Variants in CCDC170 observed in about 807,000 individuals in gnomAD.
The protein encoded by CCDC170 is coiled-coil domain containing 170, also known as coiled-coil domain-containing protein 170.
Under a neutral mutation model 72.6 loss-of-function variants are expected in CCDC170, and 69 were observed. The observed-to-expected ratio is 0.95, with a 90% CI of 0.78 to 1.16. The LOEUF (loss-of-function observed/expected upper bound fraction) is 1.16. CCDC170 is among the 50% of genes most tolerant of loss of function. CCDC170 has a pLI of 0.00. For missense variants in CCDC170, 852 were observed against 832.5 expected (o/e 1.02, Z -0.29); for synonymous variants, 300 against 303.9 (o/e 0.99, Z 0.13).
intron 9 of CCDC170, among the ~76,000 whole-genome samples, chr6:151,604,149 G>A (rs1776749846): frequency 6.6e-6 from 1 of 152,130 alleles, no homozygotes; most frequent in Admixed American, 6.5e-5. Flanking sequence ...CACCTGTGAA[G>A]TTCTCTCCCA....
intron 5 of CCDC170, among the ~76,000 whole-genome samples, chr6:151,568,000 C>T (rs1318158798): frequency 6.8e-6 from 1 of 148,086 alleles, no homozygotes; most frequent in Non-Finnish European, 1.5e-5. Context: ...ACCCCAGCTA[C>T]TCGGTAGGCT....
intron 1 of CCDC170, among the ~76,000 whole-genome samples, chr6:151,529,894 G>C (rs73783050): frequency 0.017 from 2,519 of 152,150 alleles, 73 homozygotes; most frequent in African/African-American, 0.058. Context: ...TGTCTGGTGA[G>C]GGTCATCCCA....
At chr6:151,528,219 A>G (rs1782440974) in intron 1 of CCDC170, among the ~76,000 whole-genome samples, 1 of 152,172 alleles carries the variant, frequency 6.6e-6, no homozygotes, top group African/African-American at 2.4e-5. Context: ...TCAGGTGAGG[A>G]CAAATGGATG....
At chr6:151,547,621 C>T (rs1233029459) in intron 4 of CCDC170, among the ~76,000 whole-genome samples, 1 of 152,100 alleles carries the variant, frequency 6.6e-6, no homozygotes, top group African/African-American at 2.4e-5. Flanking sequence ...AACACAAATG[C>T]TGGCCCTGTC....
chr6:151,511,058 G>A (rs1782140989), intron 1 of CCDC170, among the ~76,000 whole-genome samples: 1 of 152,018 alleles, frequency 6.6e-6, no homozygotes, highest in South Asian at 2.1e-4. Context: ...TTTTATAGAT[G>A]TTTTATAGTT....
At chr6:151,612,577 T>G in intron 9 of CCDC170, among the ~76,000 whole-genome samples, 1 of 152,206 alleles carries the variant, frequency 6.6e-6, no homozygotes, top group East Asian at 1.9e-4. Flanking sequence ...TGCAGCCTAG[T>G]TAGCATAGAC....
chr6:151,536,737 T>A (rs1018486986), intron 2 of CCDC170, among the ~76,000 whole-genome samples: 2 of 122,512 alleles, frequency 1.6e-5, no homozygotes, highest in Non-Finnish European at 3.1e-5. Flanking sequence ...ATCACAGTAC[T>A]GCACTCCAGC....
intron 1 of CCDC170, among the ~76,000 whole-genome samples, chr6:151,495,698 G>A (rs1266469511): frequency 6.6e-6 from 1 of 152,026 alleles, no homozygotes; most frequent in East Asian, 1.9e-4. Flanking sequence ...GTTTTATCGT[G>A]TTGCTCAGGC....
At chr6:151,599,632 A>G (rs1311378897) in intron 9 of CCDC170, among the ~76,000 whole-genome samples, 1 of 152,178 alleles carries the variant, frequency 6.6e-6, no homozygotes, top group Non-Finnish European at 1.5e-5. Flanking sequence ...TAAAATTGTC[A>G]GGAACGAGAC....
chr6:151,558,285 A>G (rs1020545795), intron 5 of CCDC170, among the ~76,000 whole-genome samples: 1 of 75,206 alleles, frequency 1.3e-5, no homozygotes, highest in African/African-American at 5.5e-5. Context: ...TCCTGTATGT[A>G]TTCTGGATAT....
chr6:151,618,189 A>G lies in CCDC170; in HGVS notation c.*42A>G, dbSNP rs372176613. 1.3e-6 allele frequency: 2 copies of G among 1,512,650 alleles called. No homozygotes were observed. The highest frequency in any genetic ancestry group is 2.3e-5 in the East Asian group (1 of 43,964). The allele number at this position is 1,512,650 out of a possible 1,614,324, so 93.7% of individuals were successfully genotyped here. A position where few individuals can be genotyped will look rare whatever the true frequency, so the allele number is the denominator to read the frequency against. Reference sequence around the variant, plus strand: ...GAGAGGTGGCCATAAGACATGGCACACAATTCCCAATTTCACAAATTCCTC... The same window carrying G: ...GAGAGGTGGCCATAAGACATGGCACGCAATTCCCAATTTCACAAATTCCTC... On this transcript the variant is annotated 3_prime_UTR_variant, in exon 11 of 11. Coordinates refer to ENST00000239374, the MANE Select transcript of CCDC170 (RefSeq NM_025059.4).
At chr6:151,597,697 G>T (rs1461513365) in intron 9 of CCDC170, among the ~76,000 whole-genome samples, 3 of 152,282 alleles carry the variant, frequency 2.0e-5, no homozygotes, top group East Asian at 3.9e-4. Flanking sequence ...TCTAACGAAG[G>T]CAGAGCAAAA....
At chr6:151,535,150 C>T (rs2115044814) in intron 1 of CCDC170, among the ~76,000 whole-genome samples, 1 of 152,268 alleles carries the variant, frequency 6.6e-6, no homozygotes, top group Non-Finnish European at 1.5e-5. Context: ...ATATGTGTTT[C>T]TTTTTTAAAC....
intron 5 of CCDC170, among the ~76,000 whole-genome samples, chr6:151,565,774 A>G (rs1350187324): frequency 6.6e-6 from 1 of 152,156 alleles, no homozygotes; most frequent in Non-Finnish European, 1.5e-5. Context: ...CCAAGTTTAC[A>G]TTCTATTCTG....
intron 5 of CCDC170, among the ~76,000 whole-genome samples, chr6:151,552,092 G>T (rs1184484886): frequency 5.3e-5 from 8 of 150,490 alleles, no homozygotes; most frequent in African/African-American, 2.0e-4. Flanking sequence ...GTCCAGAGCA[G>T]TGGCCTGATT....
At chr6:151,586,862 G>T (rs543435794) in intron 7 of CCDC170, among the ~76,000 whole-genome samples, 15 of 152,028 alleles carry the variant, frequency 9.9e-5, no homozygotes, top group Non-Finnish European at 2.2e-4. Flanking sequence ...TCGACTCACT[G>T]CAACCTCTGC....
At chr6:151,606,249 G>A (rs1776783891) in intron 9 of CCDC170, among the ~76,000 whole-genome samples, 1 of 152,094 alleles carries the variant, frequency 6.6e-6, no homozygotes, top group African/African-American at 2.4e-5. Flanking sequence ...TTTGATGTAG[G>A]CATTATTGCT....
At chr6:151,566,304 A>G (rs868564398) in intron 5 of CCDC170, among the ~76,000 whole-genome samples, 1 of 152,196 alleles carries the variant, frequency 6.6e-6, no homozygotes, top group African/African-American at 2.4e-5. Context: ...TACAGGATAA[A>G]TGTTCCAGTT....
Position 151,536,174 on chromosome 6 carries a change from AACATAAC to A in CCDC170, c.58-141_58-135del. 9.5e-6 allele frequency: 9 copies of A among 943,658 alleles called. No individual in the cohort carries two copies. In the South Asian group the frequency reaches 1.3e-4, roughly 13 times the overall value. 58.5% of individuals were successfully genotyped at this position (943,658 alleles called of 1,614,324 possible). A position where few individuals can be genotyped will look rare whatever the true frequency, so the allele number is the denominator to read the frequency against. On this transcript the variant is annotated intron_variant, in intron 1 of 10. Coordinates refer to ENST00000239374, the MANE Select transcript of CCDC170 (RefSeq NM_025059.4). Reference sequence around the variant, plus strand: ...TTGAGAATGAGAACCAAATGGTCTGAACATAACACTTCTCTGCGTAGCATGTTTGACA... The same window carrying A: ...TTGAGAATGAGAACCAAATGGTCTGAACTTCTCTGCGTAGCATGTTTGACA...
Sources: gnomAD v4.1 joint callset for allele counts (sites outside exome capture counted in the v4.1 genomes callset) on GRCh38, gnomAD v4.1.1 for gene constraint, MANE v1.5 for transcripts, NCBI Gene and HGNC (gene_info 2026-07-23, HGNC 2026-07-21) for gene names.